The following KDM7A variants were observed in gnomAD, a reference collection of about 807,000 sequenced individuals.
KDM7A encodes lysine demethylase 7A.
In KDM7A, 28 loss-of-function variants were observed where a neutral mutation model predicts 114.8. The ratio of observed to expected loss-of-function variants is 0.24; its 90% CI spans 0.18 to 0.33. KDM7A has a LOEUF of 0.33. Among genes scored for constraint, KDM7A ranks in the 10% least tolerant of loss-of-function variants. The probability of loss-of-function intolerance (pLI) is 1.00; values close to 1 mark genes in which losing one functional copy is unlikely to be tolerated. For synonymous variants in KDM7A, 423 were observed against 397.8 expected, an observed-to-expected ratio of 1.06 and a Z score of -0.75; for missense variants, 942 against 1,142.5, an observed-to-expected ratio of 0.82 and a Z score of 2.53.
At position 140,176,344 on chromosome 7, in the gene KDM7A, C is replaced by G. The variant is rs1280152920; in HGVS notation, c.194+400G>C. Among the ~76,000 whole-genome samples, 1 of 139,236 alleles carries G rather than the reference C, an allele frequency of 7.2e-6. No individual in the cohort carries two copies. Among genetic ancestry groups the G allele is most frequent in the Non-Finnish European group, 1.6e-5 (1 of 63,980 alleles). The allele number at this position is 139,236 out of a possible 152,430, so 91.3% of individuals were successfully genotyped here. ...CGGCCGGCGACTCCGGCCGGAGCCCCGGGCGCGGCGGGGCGGGGCGGGGCG... is the reference window on the plus strand; with the variant it reads ...CGGCCGGCGACTCCGGCCGGAGCCCGGGGCGCGGCGGGGCGGGGCGGGGCG... On this transcript the variant is annotated intron_variant, in intron 1 of 19. Coordinates refer to ENST00000397560, the MANE Select transcript of KDM7A (RefSeq NM_030647.2). This position sits in a 1 kb window ranked among gnomAD's most constrained non-coding sequence, Gnocchi z 4.4.
At chr7:140,163,354 C>G (rs1157427656) in intron 1 of KDM7A, among the ~76,000 whole-genome samples, 1 of 151,888 alleles carries the variant, frequency 6.6e-6, no homozygotes, top group African/African-American at 2.4e-5. Context: ...GTGGCAAGAT[C>G]ACACAATCTT....
In KDM7A at chr7:140,096,949, G is replaced by A; in HGVS notation, c.2115C>T (p.Asn705=). ...ATGGCTTCTGGCTCTTTTGAAGGAA[G>A]TTCCTCATCACATTAGATTCCTCCT... ...NFKEESNVMR[N]FLQKSQKPSR... Residue 705 remains asparagine, a synonymous_variant, in exon 16 of 20, where the codon AAC becomes AAT. Coordinates refer to ENST00000397560, the MANE Select transcript of KDM7A (RefSeq NM_030647.2). 2 of 1,613,756 alleles carry A rather than the reference G, an allele frequency of 1.2e-6. No individual in the cohort carries two copies. The highest frequency in any genetic ancestry group is 1.7e-6 in the Non-Finnish European group (2 of 1,179,756).
chr7:140,146,822 G>A (rs912792377), intron 1 of KDM7A, among the ~76,000 whole-genome samples: 7 of 152,160 alleles, frequency 4.6e-5, no homozygotes, highest in African/African-American at 1.7e-4. Context: ...GACACTTGAT[G>A]AGAACTGAAT....
At chr7:140,100,711 C>CATATAT (rs58767645) in intron 12 of KDM7A, among the ~76,000 whole-genome samples, 45 of 56,954 alleles carry the variant, frequency 7.9e-4, no homozygotes, top group Non-Finnish European at 8.6e-4. Context: ...TATATATACA[C>CATATAT]ATATATATAT....
intron 17 of KDM7A, among the ~76,000 whole-genome samples, chr7:140,095,195 G>A (rs1429946869): frequency 2.0e-5 from 3 of 152,108 alleles, no homozygotes; most frequent in Non-Finnish European, 4.4e-5. Flanking sequence ...TAAAACCAAT[G>A]CAATAATTCT....
chr7:140,131,156 C>T (rs929995343), intron 3 of KDM7A, among the ~76,000 whole-genome samples: 5 of 152,048 alleles, frequency 3.3e-5, no homozygotes, highest in African/African-American at 4.8e-5. Context: ...CGTGAGCCAC[C>T]GCGCCAGGCC....
intron 1 of KDM7A, among the ~76,000 whole-genome samples, chr7:140,167,333 C>T (rs1794589629): frequency 3.3e-5 from 5 of 152,208 alleles, no homozygotes; most frequent in South Asian, 2.1e-4. Context: ...TGGGACAGGC[C>T]TTACCAGACT....
rs1423787249 is a variant in KDM7A at position 140,176,568 on chromosome 7, G to A, written c.194+176C>T. ...CCGGCTCCCCTCTGGAGCCCGCCCG[G>A]CGAACCCGGGGCACCGCGCGCCCCA... On this transcript the variant is annotated intron_variant, in intron 1 of 19. Coordinates refer to ENST00000397560, the MANE Select transcript of KDM7A (RefSeq NM_030647.2). This position sits in a 1 kb window ranked among gnomAD's most constrained non-coding sequence, Gnocchi z 4.4. 1.4e-5 allele frequency among the ~76,000 whole-genome samples: 2 copies of A among 146,680 alleles called. No individual in the cohort carries two copies. The highest frequency in any genetic ancestry group is 6.8e-5 in the Admixed American group (1 of 14,806).
chr7:140,158,169 G>T lies in KDM7A; in HGVS notation c.194+18575C>A, dbSNP rs529037617. Among the ~76,000 whole-genome samples the T allele has an allele frequency of 1.8e-4, 28 of 152,148 alleles. No homozygotes were observed. In the South Asian group the frequency reaches 5.8e-3, roughly 32 times the overall value. On this transcript the variant is annotated intron_variant, in intron 1 of 19. Coordinates refer to ENST00000397560, the MANE Select transcript of KDM7A (RefSeq NM_030647.2). The stretch of plus-strand genomic sequence containing the variant: ...GGAAGAAATTGTGGCAATGAGCAGG[G>T]AATTTTCAGAGAAGTTTTCCTTAAG...
chr7:140,151,372 G>A (rs1261487859), intron 1 of KDM7A, among the ~76,000 whole-genome samples: 1 of 152,126 alleles, frequency 6.6e-6, no homozygotes, highest in Admixed American at 6.5e-5. Context: ...TGATTACATA[G>A]TGGATTCTCA....
intron 19 of KDM7A, 109 bp from the exon 20 acceptor site, chr7:140,091,297 TCTG>T: frequency 1.3e-6 from 1 of 770,172 alleles, no homozygotes; most frequent in Non-Finnish European, 2.3e-6. Context: ...CCTTAGGTGT[TCTG>T]CATGGACAGA....
Position 140,096,542 on chromosome 7 carries a change from TTA to T in KDM7A, c.2374+11_2374+12del. The stretch of plus-strand genomic sequence containing the variant: ...ATGTTACTTTTTAGAGACTGATAAT[TTA>T]TGTTTCTTACCACATTCCACTGGTT... On this transcript the variant is annotated intron_variant, in intron 17 of 19. Coordinates refer to ENST00000397560, the MANE Select transcript of KDM7A (RefSeq NM_030647.2). 6.2e-7 allele frequency: 1 copy of T among 1,600,878 alleles called. No homozygotes were observed.
At chr7:140,162,393 A>G (rs1794530639) in intron 1 of KDM7A, among the ~76,000 whole-genome samples, 1 of 152,164 alleles carries the variant, frequency 6.6e-6, no homozygotes. Flanking sequence ...AGATGTTTGA[A>G]ATTCCTATGT....
intron 1 of KDM7A, among the ~76,000 whole-genome samples, chr7:140,168,500 C>T (rs1022343057): frequency 6.6e-6 from 1 of 151,042 alleles, no homozygotes; most frequent in Non-Finnish European, 1.5e-5. Context: ...CCTGAGAGGT[C>T]GAGGCTGCAG....
intron 1 of KDM7A, among the ~76,000 whole-genome samples, chr7:140,163,196 G>A (rs775664171): frequency 4.6e-5 from 7 of 151,956 alleles, no homozygotes; most frequent in Admixed American, 2.6e-4. Context: ...GGGTTTCACC[G>A]TGTTAGCCAG....
At chr7:140,102,188 T>C (rs760684937) in intron 11 of KDM7A, 28 bp from the exon 12 acceptor site, 6 of 1,513,356 alleles carry the variant, frequency 4.0e-6, no homozygotes, top group Non-Finnish European at 5.5e-6. Flanking sequence ...AGAGTATTTT[T>C]ATAAGAAGGC....
At chr7:140,126,371 CAAAAG>C (rs1461771417) in intron 6 of KDM7A, among the ~76,000 whole-genome samples, 1 of 151,312 alleles carries the variant, frequency 6.6e-6, no homozygotes, top group African/African-American at 2.4e-5. Context: ...CAAGAAGAGA[CAAAAG>C]CCTAAAAGAA....
At chr7:140,119,385 T>A (rs763007023) in intron 8 of KDM7A, among the ~76,000 whole-genome samples, 166 bp from the exon 9 acceptor site, 4 of 152,234 alleles carry the variant, frequency 2.6e-5, no homozygotes, top group East Asian at 1.9e-4. Context: ...TGTGATCTTA[T>A]CCAGGTTCTG....
chr7:140,126,700 T>C lies in KDM7A; in HGVS notation c.825A>G (p.Gln275=), dbSNP rs915842554. The change falls in exon 6 of 20, where the codon CAA becomes CAG. Residue 275 remains glutamine (Q), a synonymous_variant. Coordinates refer to ENST00000397560, the MANE Select transcript of KDM7A (RefSeq NM_030647.2). ...FVQKYCLMGV[Q]DSYTDFHIDF... ...CAATGTGGAAATCTGTATAGCTGTC[T>C]TGAACTCCCATTAAGCAATATTTCT... 4.3e-6 allele frequency: 7 copies of C among 1,613,918 alleles called. No homozygotes were observed. Among genetic ancestry groups the C allele is most frequent in the Non-Finnish European group, 5.9e-6 (7 of 1,179,816 alleles).
Sources: gnomAD v4.1 joint callset for allele counts (sites outside exome capture counted in the v4.1 genomes callset) on GRCh38, gnomAD v4.1.1 for gene constraint, Gnocchi (gnomAD v3.1) non-coding constraint, MANE v1.5 for transcripts, NCBI Gene and HGNC (gene_info 2026-07-23, HGNC 2026-07-21) for gene names.